MACROD1: variants seen among roughly 807,000 people sequenced by gnomAD.
MACROD1 encodes mono-ADP ribosylhydrolase 1.
Under a neutral mutation model 41.4 loss-of-function variants are expected in MACROD1, and 31 were observed. The observed-to-expected ratio is 0.75, with a 90% CI of 0.56 to 1.01. The LOEUF (loss-of-function observed/expected upper bound fraction) is 1.01. Among genes scored for constraint, MACROD1 ranks in the 50% least tolerant of loss-of-function variants. The probability of loss-of-function intolerance (pLI) is 0.00; values close to 1 mark genes in which losing one functional copy is unlikely to be tolerated. For missense variants in MACROD1, 473 were observed against 460.0 expected (o/e 1.03, Z -0.26); for synonymous variants, 252 against 203.4 (o/e 1.24, Z -2.03).
At chr11:64,039,421 G>C (rs503133) in intron 3 of MACROD1, among the ~76,000 whole-genome samples, 396 of 152,224 alleles carry the variant, frequency 2.6e-3, no homozygotes, top group Non-Finnish European at 4.1e-3. Flanking sequence ...GGGTGGTAGC[G>C]GGGGGTCCCT....
At chr11:64,001,652 G>T in intron 4 of MACROD1, 1 of 701,496 alleles carries the variant, frequency 1.4e-6, no homozygotes, top group Non-Finnish European at 2.6e-6. Context: ...TGGGCAGAGA[G>T]GTTAGGGGAA....
chr11:64,023,702 C>A (rs1042683712), intron 3 of MACROD1, among the ~76,000 whole-genome samples: 1 of 152,114 alleles, frequency 6.6e-6, no homozygotes, highest in South Asian at 2.1e-4. Context: ...CATTCCAGGC[C>A]CTCCTTTCCC....
At chr11:64,137,862 T>A (rs959220232) in intron 3 of MACROD1, among the ~76,000 whole-genome samples, 1 of 152,266 alleles carries the variant, frequency 6.6e-6, no homozygotes, top group East Asian at 1.9e-4. Context: ...CAGCATCCCC[T>A]GCTGTGGCTT....
intron 3 of MACROD1, chr11:64,118,500 G>A: frequency 2.0e-6 from 1 of 499,250 alleles, no homozygotes; most frequent in Non-Finnish European, 3.5e-6. Flanking sequence ...GGCAGGAGGG[G>A]GAATTCGACA....
chr11:64,051,671 C>T (rs1186592749), intron 3 of MACROD1, among the ~76,000 whole-genome samples: 1 of 152,152 alleles, frequency 6.6e-6, no homozygotes, highest in Non-Finnish European at 1.5e-5. Flanking sequence ...TCCGAGCTCA[C>T]GGCCCGGAGC....
chr11:64,062,676 G>T (rs1202295727), intron 3 of MACROD1, among the ~76,000 whole-genome samples: 1 of 152,216 alleles, frequency 6.6e-6, no homozygotes, highest in Non-Finnish European at 1.5e-5. Flanking sequence ...GGTTTCTCAG[G>T]GAAGCCAGAG....
intron 2 of MACROD1, 66 bp from the exon 3 acceptor site, chr11:64,151,421 CCCAGGGG>C (rs1945576496): frequency 8.0e-7 from 1 of 1,246,988 alleles, no homozygotes; most frequent in Non-Finnish European, 1.2e-6. Context: ...CCAGCCAGGG[CCCAGGGG>C]CCAGGGCCTT....
intron 3 of MACROD1, among the ~76,000 whole-genome samples, chr11:64,075,915 C>A (rs2134474459): frequency 6.6e-6 from 1 of 152,338 alleles, no homozygotes; most frequent in Admixed American, 6.5e-5. Context: ...CTCAAGTGAT[C>A]CACCCGCCTC....
At chr11:64,099,052 A>C (rs1944626681) in intron 3 of MACROD1, among the ~76,000 whole-genome samples, 1 of 152,242 alleles carries the variant, frequency 6.6e-6, no homozygotes, top group South Asian at 2.1e-4. Context: ...GGAAGCCCTG[A>C]GTGCCAAGGG....
intron 3 of MACROD1, chr11:64,116,102 G>A: frequency 9.4e-7 from 1 of 1,065,590 alleles, no homozygotes; most frequent in East Asian, 2.6e-5. Context: ...CACCCCGCAG[G>A]ACCGGACTTC....
chr11:64,069,931 C>T (rs2134458938), intron 3 of MACROD1, among the ~76,000 whole-genome samples: 1 of 152,220 alleles, frequency 6.6e-6, no homozygotes, highest in South Asian at 2.1e-4. Flanking sequence ...ACATGTCACC[C>T]TGAGCCCGAC....
At chr11:64,072,609 C>A (rs1465870893) in intron 3 of MACROD1, among the ~76,000 whole-genome samples, 1 of 152,232 alleles carries the variant, frequency 6.6e-6, no homozygotes, top group Admixed American at 6.5e-5. Context: ...TTGGTCTCCA[C>A]AAACATCAGA....
chr11:64,031,465 TGCCTGCC>T (rs1458688758), intron 3 of MACROD1, among the ~76,000 whole-genome samples: 13 of 145,880 alleles, frequency 8.9e-5, no homozygotes, highest in South Asian at 2.2e-4. Flanking sequence ...CCTGCCTGCC[TGCCTGCC>T]TTCCTTTTTT....
At position 64,007,203 on chromosome 11, in the gene MACROD1, G is replaced by A. The variant is rs574416104; in HGVS notation, c.548-6860C>T. Reference sequence around the variant, plus strand: ...AAAATGCGTACGAGGGCTCGGGGGCGACGTGCCACGTGCCAGCCCTATGCA... The same window carrying A: ...AAAATGCGTACGAGGGCTCGGGGGCAACGTGCCACGTGCCAGCCCTATGCA... On this transcript the variant is annotated intron_variant, in intron 4 of 10. Coordinates refer to ENST00000255681, the MANE Select transcript of MACROD1 (RefSeq NM_014067.4). Among the ~76,000 whole-genome samples, 37 of 152,324 alleles carry A rather than the reference G, an allele frequency of 2.4e-4. No individual in the cohort carries two copies. The South Asian group carries it at 6.4e-3, about 26-fold the overall frequency.
intron 3 of MACROD1, among the ~76,000 whole-genome samples, chr11:64,132,675 G>C (rs1945282100): frequency 6.6e-6 from 1 of 152,216 alleles, no homozygotes; most frequent in East Asian, 1.9e-4. Flanking sequence ...AGTCCAGGCT[G>C]TGTGCCCGGG....
At chr11:64,062,632 C>T (rs766456609) in intron 3 of MACROD1, among the ~76,000 whole-genome samples, 1 of 112,254 alleles carries the variant, frequency 8.9e-6, no homozygotes, top group African/African-American at 5.2e-5. Context: ...AGCAAAGGCA[C>T]GTGGCCCTGC....
At chr11:64,116,500 A>T (rs1185391130) in intron 3 of MACROD1, 1 of 1,613,826 alleles carries the variant, frequency 6.2e-7, no homozygotes, top group African/African-American at 1.3e-5. Context: ...ATCCCCGCAG[A>T]TATCCCTGAT....
Position 64,151,242 on chromosome 11 carries a change from C to A in MACROD1, c.514G>T (p.Ala172Ser). The change falls in exon 3 of 11, where the codon GCC becomes TCC. Residue 172 changes from alanine (A) to serine (S), a missense_variant. Physicochemically the swap from Ala to Ser is moderately conservative, Grantham distance 99 (BLOSUM62 1). Coordinates refer to ENST00000255681, the MANE Select transcript of MACROD1 (RefSeq NM_014067.4). ...CTGGTTCAGGCCAGCCACTCACCGG[C>A]GTTGACGATGGCGTCCACCTCCAGC... is the stretch of plus-strand genomic sequence containing the variant. ...TKLEVDAIVNAANSSLLGGGG... is the reference protein window; with the variant it reads ...TKLEVDAIVNSANSSLLGGGG... The A allele has an allele frequency of 6.2e-7, 1 of 1,612,602 alleles. No individual in the cohort carries two copies. Among genetic ancestry groups the A allele is most frequent in the Non-Finnish European group, 8.5e-7 (1 of 1,179,668 alleles).
chr11:64,004,643 GCC>G (rs1203683919), intron 4 of MACROD1, among the ~76,000 whole-genome samples: 1 of 152,114 alleles, frequency 6.6e-6, no homozygotes, highest in African/African-American at 2.4e-5. Flanking sequence ...CGTGGGGCTG[GCC>G]CACGCTGTGC....
Sources: gnomAD v4.1 joint callset for allele counts (sites outside exome capture counted in the v4.1 genomes callset) on GRCh38, gnomAD v4.1.1 for gene constraint, MANE v1.5 for transcripts, NCBI Gene and HGNC (gene_info 2026-07-23, HGNC 2026-07-21) for gene names.